KCNAB2: variants seen among roughly 807,000 people sequenced by gnomAD.
KCNAB2 encodes the protein voltage-gated potassium channel subunit beta-2.
In KCNAB2, 29 loss-of-function variants were observed where a neutral mutation model predicts 63.6. The ratio of observed to expected loss-of-function variants is 0.46; its 90% CI spans 0.34 to 0.62. The LOEUF (loss-of-function observed/expected upper bound fraction) is 0.62. KCNAB2 is among the 20% of genes least tolerant of loss of function. The pLI is 0.01. For missense variants in KCNAB2, 359 were observed against 563.9 expected, an observed-to-expected ratio of 0.64 and a Z score of 3.68; for synonymous variants, 222 against 224.2, an observed-to-expected ratio of 0.99 and a Z score of 0.09.
intron 1 of KCNAB2, among the ~76,000 whole-genome samples, chr1:6,004,859 A>AGACG (rs1211570644): frequency 6.7e-6 from 1 of 149,956 alleles, no homozygotes; most frequent in Admixed American, 6.7e-5. Context: ...CTCCCTCCAG[A>AGACG]GTCTGGCTGC....
intron 3 of KCNAB2, 114 bp downstream of exon 3, chr1:6,072,912 C>A: frequency 1.1e-6 from 1 of 915,960 alleles, no homozygotes; most frequent in Non-Finnish European, 1.7e-6. Context: ...TGGCACTCCC[C>A]AGGGAGTAGC....
chr1:6,083,079 G>T (rs949359411), intron 5 of KCNAB2, among the ~76,000 whole-genome samples: 10 of 152,076 alleles, frequency 6.6e-5, no homozygotes, highest in African/African-American at 2.2e-4. Context: ...ACAGCCCTGG[G>T]GGCTGCCGCT....
At chr1:6,005,433 G>GGACA (rs1557922597) in intron 1 of KCNAB2, among the ~76,000 whole-genome samples, 1 of 118,336 alleles carries the variant, frequency 8.5e-6, no homozygotes, top group Non-Finnish European at 1.9e-5. Flanking sequence ...TGTGGGTTGT[G>GGACA]TGAGCTGAGC....
chr1:6,091,978 C>T (rs1032444119), intron 10 of KCNAB2, among the ~76,000 whole-genome samples: 7 of 152,234 alleles, frequency 4.6e-5, no homozygotes, highest in African/African-American at 1.4e-4. Flanking sequence ...TCTCTCTGCC[C>T]TCCCCACAGC....
intron 1 of KCNAB2, among the ~76,000 whole-genome samples, chr1:6,004,619 G>T (rs1043326708): frequency 6.7e-6 from 1 of 149,214 alleles, no homozygotes; most frequent in East Asian, 2.0e-4. Flanking sequence ...GGCCTTTTCT[G>T]TGTCTGTCTC....
chr1:6,059,407 T>C (rs1223409166), intron 2 of KCNAB2, among the ~76,000 whole-genome samples: 1 of 152,100 alleles, frequency 6.6e-6, no homozygotes, highest in African/African-American at 2.4e-5. Flanking sequence ...CCAGGCTAGC[T>C]GGGAACCCCT....
At chr1:6,076,982 G>A (rs191165304) in intron 4 of KCNAB2, among the ~76,000 whole-genome samples, 1 of 152,192 alleles carries the variant, frequency 6.6e-6, no homozygotes, top group East Asian at 1.9e-4. Context: ...ATAGGAGTTC[G>A]AGACCAGCCT....
At chr1:6,029,144 A>C (rs530825123) in intron 1 of KCNAB2, among the ~76,000 whole-genome samples, 170 of 152,234 alleles carry the variant, frequency 1.1e-3, no homozygotes, top group African/African-American at 3.7e-3. Flanking sequence ...TTAGCCAGGC[A>C]TGGCAGCGTG....
At chr1:6,092,006 C>T (rs1665231151) in intron 10 of KCNAB2, among the ~76,000 whole-genome samples, 1 of 152,366 alleles carries the variant, frequency 6.6e-6, no homozygotes, top group Admixed American at 6.5e-5. Context: ...CCCAGGACCC[C>T]ACCCCAAGGG....
chr1:6,091,453 A>C, intron 10 of KCNAB2, 146 bp downstream of exon 10: 1 of 636,076 alleles, frequency 1.6e-6, no homozygotes, highest in South Asian at 1.9e-5. Flanking sequence ...CTATGAGAAC[A>C]CCTTGCAAGT....
At chr1:6,066,025 G>T (rs1322843122) in intron 2 of KCNAB2, among the ~76,000 whole-genome samples, 4 of 152,342 alleles carry the variant, frequency 2.6e-5, no homozygotes, top group South Asian at 2.1e-4. Flanking sequence ...AGCCCAAGGG[G>T]ACAGGGGACG....
intron 4 of KCNAB2, among the ~76,000 whole-genome samples, chr1:6,080,038 GGAAGAAA>G (rs1339175197): frequency 6.6e-6 from 1 of 152,134 alleles, no homozygotes; most frequent in Non-Finnish European, 1.5e-5. Flanking sequence ...CACCCCTCCT[GGAAGAAA>G]GATGGGGGAT....
At position 6,099,705 on chromosome 1, in the gene KCNAB2, G is replaced by A; in HGVS notation, c.*1131G>A. 2 of 1,417,732 alleles carry A rather than the reference G, an allele frequency of 1.4e-6. No homozygotes were observed. Among genetic ancestry groups the A allele is most frequent in the South Asian group, 1.5e-5 (1 of 66,250 alleles). 87.8% of individuals were successfully genotyped at this position (1,417,732 alleles called of 1,614,324 possible). ...TGGGGTTTTCTGTGCCCATGACTTG[G>A]GGGCTGCACCCCCACAGCACCCCCA... On this transcript the variant is annotated 3_prime_UTR_variant, in exon 16 of 16. Coordinates refer to ENST00000378083, the MANE Select transcript of KCNAB2 (RefSeq NM_001199862.2).
intron 1 of KCNAB2, among the ~76,000 whole-genome samples, chr1:6,014,571 C>A (rs759478880): frequency 6.6e-6 from 1 of 152,230 alleles, no homozygotes; most frequent in Non-Finnish European, 1.5e-5. Flanking sequence ...CTGCGTGGCT[C>A]GGCCAGCTGT....
intron 4 of KCNAB2, among the ~76,000 whole-genome samples, chr1:6,080,791 C>T (rs938431962): frequency 6.6e-6 from 1 of 152,218 alleles, no homozygotes; most frequent in African/African-American, 2.4e-5. Flanking sequence ...GTGGTGGCTA[C>T]TCCGTCCTCA....
chr1:6,017,406 C>CTGTGTGTGTGTGTGTG (rs56202547), intron 1 of KCNAB2, among the ~76,000 whole-genome samples: 66 of 147,300 alleles, frequency 4.5e-4, no homozygotes, highest in Middle Eastern at 3.4e-3. Context: ...CCATACCTGG[C>CTGTGTGTGTGTGTGTG]TGTGTGTGTG....
chr1:6,075,776 C>T (rs1295734849), intron 4 of KCNAB2, among the ~76,000 whole-genome samples: 2 of 152,208 alleles, frequency 1.3e-5, no homozygotes, highest in African/African-American at 4.8e-5. Context: ...TTTAAGTCTA[C>T]AGTTCAGTGG....
Position 6,099,717 on chromosome 1 carries a change from C to T in KCNAB2, c.*1143C>T. 7.0e-7 allele frequency: 1 copy of T among 1,431,904 alleles called. No individual in the cohort carries two copies. Among genetic ancestry groups the T allele is most frequent in the Non-Finnish European group, 9.2e-7 (1 of 1,087,928 alleles). 88.7% of individuals were successfully genotyped at this position (1,431,904 alleles called of 1,614,324 possible). A position where few individuals can be genotyped will look rare whatever the true frequency, so the allele number is the denominator to read the frequency against. ...TGCCCATGACTTGGGGGCTGCACCCCCACAGCACCCCCACAATGTAGGAAA... is the reference window on the plus strand; with the variant it reads ...TGCCCATGACTTGGGGGCTGCACCCTCACAGCACCCCCACAATGTAGGAAA... On this transcript the variant is annotated 3_prime_UTR_variant, in exon 16 of 16. Transcript: ENST00000378083.
chr1:6,085,378 G>A, intron 6 of KCNAB2, 130 bp downstream of exon 6: 2 of 815,306 alleles, frequency 2.5e-6, no homozygotes, highest in South Asian at 1.5e-5. Context: ...GCTGGGAAGT[G>A]GAGAGGAAAA....
Sources: allele counts gnomAD v4.1 joint callset (sites outside exome capture counted in the v4.1 genomes callset), GRCh38; gene constraint gnomAD v4.1.1; transcripts MANE v1.5; gene names NCBI Gene and HGNC (gene_info 2026-07-23, HGNC 2026-07-21).